R3HDM2: variants seen among roughly 807,000 people sequenced by gnomAD.
R3HDM2 encodes the protein R3H domain-containing protein 2.
A neutral mutation model predicts 124.5 loss-of-function variants in R3HDM2; 38 were observed. The observed-to-expected ratio is 0.31, with a 90% CI of 0.24 to 0.40. R3HDM2 has a LOEUF of 0.40. Ranked by LOEUF, R3HDM2 falls within the 10% of genes least tolerant of loss-of-function variation. R3HDM2 has a pLI of 1.00. For missense variants in R3HDM2, 869 were observed against 1,236.9 expected (o/e 0.70, Z 4.46); for synonymous variants, 391 against 448.0 (o/e 0.87, Z 1.61).
intron 2 of R3HDM2, among the ~76,000 whole-genome samples, chr12:57,317,189 T>G (rs574009343): frequency 9.6e-4 from 48 of 49,762 alleles, no homozygotes; most frequent in African/African-American, 1.3e-3. Context: ...GCTTTTTGTG[T>G]TTTTTTTTGT....
intron 4 of R3HDM2, among the ~76,000 whole-genome samples, chr12:57,301,879 T>A (rs560483006): frequency 6.6e-6 from 1 of 152,350 alleles, no homozygotes; most frequent in East Asian, 1.9e-4. Context: ...TATCACACAC[T>A]AACACATGTA....
At chr12:57,369,119 C>T (rs963255654) in intron 2 of R3HDM2, among the ~76,000 whole-genome samples, 20 of 152,302 alleles carry the variant, frequency 1.3e-4, no homozygotes, top group Non-Finnish European at 2.6e-4. Context: ...CCCCCACTCT[C>T]CCATTTCCCA....
chr12:57,259,054 A>G lies in R3HDM2; in HGVS notation c.2137T>C (p.Ser713Pro). 1.2e-6 allele frequency: 2 copies of G among 1,610,546 alleles called. No homozygotes were observed. Among genetic ancestry groups the G allele is most frequent in the Non-Finnish European group, 1.7e-6 (2 of 1,178,716 alleles). ...ACCACTACACCTGGTCCAGAAGGTG[A>G]CACTCCTGAAGGGCAGGAAGAAAGC... ...PQMPQQYSGV[S>P]PSGPGVVVMQ... Residue 713 changes from serine to proline, a missense_variant, in exon 20 of 24, where the codon TCA (serine) becomes CCA (proline). Transcript: ENST00000402412.
intron 23 of R3HDM2, among the ~76,000 whole-genome samples, chr12:57,255,604 C>T (rs2038728645): frequency 6.6e-6 from 1 of 152,188 alleles, no homozygotes; most frequent in African/African-American, 2.4e-5. Flanking sequence ...CAAGACAGAT[C>T]TTGTTCACCT....
intron 3 of R3HDM2, among the ~76,000 whole-genome samples, chr12:57,305,054 G>T (rs764331541): frequency 6.6e-6 from 1 of 152,086 alleles, no homozygotes; most frequent in Non-Finnish European, 1.5e-5. Flanking sequence ...GCGTGGTGGT[G>T]GGCACCTGTA....
chr12:57,262,678 G>T (rs931186997), intron 19 of R3HDM2, among the ~76,000 whole-genome samples: 1 of 152,212 alleles, frequency 6.6e-6, no homozygotes, highest in African/African-American at 2.4e-5. Flanking sequence ...AGGGGCCCTT[G>T]TGGGTTATGC....
intron 2 of R3HDM2, chr12:57,341,081 G>A (rs1467450904): frequency 2.6e-5 from 4 of 152,164 alleles, no homozygotes; most frequent in Non-Finnish European, 5.9e-5. Context: ...CAAACTGTCT[G>A]TGCAAATAAG....
rs200646985 is a variant in R3HDM2, at chr12:57,254,971, C to A, written c.2775G>T (p.Gly925=). Residue 925 remains glycine, a synonymous_variant, in exon 24 of 24, where the codon GGG becomes GGT. Transcript: ENST00000402412. ...KDAQGLPGGG[G]GDNSGTAENG... is the part of the protein sequence containing the mutation. Reference sequence around the variant, plus strand: ...TCTCAGCAGTCCCACTGTTGTCCCCCCCACCCCCTCCAGGCAGCCCCTGAG... The same window carrying A: ...TCTCAGCAGTCCCACTGTTGTCCCCACCACCCCCTCCAGGCAGCCCCTGAG... The A allele has an allele frequency of 1.5e-5, 24 of 1,614,078 alleles. No homozygotes were observed. In the Admixed American group the frequency reaches 4.0e-4, roughly 27 times the overall value.
chr12:57,424,425 G>C (rs1394783882), intron 1 of R3HDM2, among the ~76,000 whole-genome samples: 1 of 152,018 alleles, frequency 6.6e-6, no homozygotes, highest in Non-Finnish European at 1.5e-5. Flanking sequence ...GCCTCCCAAA[G>C]TGCTGGAATT....
chr12:57,280,904 G>A (rs2045951839), intron 13 of R3HDM2, among the ~76,000 whole-genome samples: 1 of 147,198 alleles, frequency 6.8e-6, no homozygotes, highest in African/African-American at 2.5e-5. Flanking sequence ...CAGATTTTTG[G>A]TCTCTTAAGA....
intron 14 of R3HDM2, among the ~76,000 whole-genome samples, chr12:57,277,304 G>A (rs1337807533): frequency 2.0e-5 from 3 of 152,018 alleles, no homozygotes; most frequent in Admixed American, 6.6e-5. Flanking sequence ...GAGCTTCACC[G>A]ACACACAATT....
At chr12:57,416,167 A>G (rs568396438) in intron 1 of R3HDM2, among the ~76,000 whole-genome samples, 33 of 152,160 alleles carry the variant, frequency 2.2e-4, no homozygotes, top group Non-Finnish European at 4.6e-4. Context: ...ATTTCCTAAT[A>G]CGTGAATAAA....
intron 2 of R3HDM2, among the ~76,000 whole-genome samples, chr12:57,356,383 A>G (rs1566311747): frequency 6.6e-6 from 1 of 152,170 alleles, no homozygotes; most frequent in Non-Finnish European, 1.5e-5. Flanking sequence ...CTGTTAATAG[A>G]GAATTACATT....
At chr12:57,390,414 G>C (rs1417011232) in intron 2 of R3HDM2, among the ~76,000 whole-genome samples, 1 of 152,136 alleles carries the variant, frequency 6.6e-6, no homozygotes, top group Non-Finnish European at 1.5e-5. Context: ...AAATAGGACT[G>C]AGGCCAAATG....
At chr12:57,269,638 G>A (rs1213335554) in intron 15 of R3HDM2, 114 bp downstream of exon 15, 2 of 1,505,726 alleles carry the variant, frequency 1.3e-6, no homozygotes, top group Non-Finnish European at 1.8e-6. Context: ...CAACTCTCAA[G>A]TGCAAGGTAG....
At chr12:57,408,273 C>T (rs1220393582) in intron 1 of R3HDM2, among the ~76,000 whole-genome samples, 1 of 152,072 alleles carries the variant, frequency 6.6e-6, no homozygotes, top group Non-Finnish European at 1.5e-5. Flanking sequence ...CACTGTATTG[C>T]TCAGGCTGGT....
chr12:57,392,433 A>G (rs2066837108), intron 2 of R3HDM2, among the ~76,000 whole-genome samples: 1 of 152,134 alleles, frequency 6.6e-6, no homozygotes, highest in South Asian at 2.1e-4. Context: ...TCACACTCCT[A>G]TGAGAATCTA....
intron 2 of R3HDM2, among the ~76,000 whole-genome samples, chr12:57,372,027 C>T (rs901032614): frequency 9.9e-5 from 15 of 152,222 alleles, no homozygotes; most frequent in African/African-American, 2.9e-4. Flanking sequence ...ACCAACACAC[C>T]GGGCTAATTT....
intron 1 of R3HDM2, among the ~76,000 whole-genome samples, chr12:57,396,471 AT>A (rs2067519149): frequency 6.8e-6 from 1 of 147,656 alleles, no homozygotes; most frequent in Non-Finnish European, 1.5e-5. Flanking sequence ...AAAATAAAAA[AT>A]AAAAAAATAA....
Sources: allele counts gnomAD v4.1 joint callset (sites outside exome capture counted in the v4.1 genomes callset), GRCh38; gene constraint gnomAD v4.1.1; transcripts MANE v1.5; gene names NCBI Gene and HGNC (gene_info 2026-07-23, HGNC 2026-07-21).